The following DLG2 variants were observed in gnomAD, a reference collection of about 807,000 sequenced individuals.
The protein encoded by DLG2 is discs large MAGUK scaffold protein 2, also known as disks large homolog 2.
Under a neutral mutation model 132.5 loss-of-function variants are expected in DLG2, and 45 were observed. That is an observed-to-expected ratio of 0.34 (90% CI 0.27 to 0.44). The LOEUF (loss-of-function observed/expected upper bound fraction) is 0.44. DLG2 is among the 20% of genes least tolerant of loss of function. The pLI is 1.00. For synonymous variants in DLG2, 424 were observed against 419.6 expected (o/e 1.01, Z -0.13); for missense variants, 1,045 against 1,196.9 (o/e 0.87, Z 1.87).
At chr11:85,463,087 A>G (rs1396898694) in intron 3 of DLG2, among the ~76,000 whole-genome samples, 1 of 152,220 alleles carries the variant, frequency 6.6e-6, no homozygotes, top group Non-Finnish European at 1.5e-5. Context: ...TCCAGAACTG[A>G]GAGAAAATAA....
At chr11:84,319,877 T>C (rs1291942801) in intron 7 of DLG2, among the ~76,000 whole-genome samples, 2 of 152,204 alleles carry the variant, frequency 1.3e-5, no homozygotes, top group African/African-American at 2.4e-5. Context: ...GTTTAGTACA[T>C]GTAAAGTAAT....
At chr11:84,200,833 TAAG>T (rs1268813515) in intron 8 of DLG2, among the ~76,000 whole-genome samples, 1 of 152,202 alleles carries the variant, frequency 6.6e-6, no homozygotes, top group Non-Finnish European at 1.5e-5. Flanking sequence ...CTTATCAGCT[TAAG>T]AAGCTTTAAG....
At chr11:85,121,441 A>G (rs1023691743) in intron 5 of DLG2, among the ~76,000 whole-genome samples, 2 of 151,710 alleles carry the variant, frequency 1.3e-5, no homozygotes, top group Non-Finnish European at 2.9e-5. Flanking sequence ...AAAAAATACC[A>G]TGCTATATTA....
At chr11:85,301,113 C>A (rs1467073751) in intron 3 of DLG2, among the ~76,000 whole-genome samples, 2 of 151,918 alleles carry the variant, frequency 1.3e-5, no homozygotes, top group African/African-American at 4.8e-5. Context: ...AGGTAGGAGA[C>A]TTGCTTGAAC....
intron 6 of DLG2, among the ~76,000 whole-genome samples, chr11:85,097,285 TA>T (rs766055235): frequency 1.2e-4 from 18 of 152,134 alleles, no homozygotes; most frequent in Admixed American, 2.0e-4. Context: ...CAGAAAGACA[TA>T]ATTTTTGCCC....
intron 18 of DLG2, among the ~76,000 whole-genome samples, chr11:83,695,584 C>T (rs975466470): frequency 2.0e-5 from 3 of 151,954 alleles, no homozygotes; most frequent in Non-Finnish European, 4.4e-5. Context: ...ACTAAAAATA[C>T]CAAAATTAGC....
In DLG2 at chr11:85,375,672, G is replaced by A. The variant is rs1418209085; in HGVS notation, c.41-90307C>T. Among the ~76,000 whole-genome samples the A allele has an allele frequency of 2.6e-5, 4 of 152,118 alleles. No individual in the cohort carries two copies. The East Asian group carries it at 7.7e-4, about 29-fold the overall frequency. Reference sequence around the variant, plus strand: ...ACCCACACAGGTATTTCCTGCTTATGCTACTAGTCTAAAAGTCACTGATCT... The same window carrying A: ...ACCCACACAGGTATTTCCTGCTTATACTACTAGTCTAAAAGTCACTGATCT... On this transcript the variant is annotated intron_variant, in intron 3 of 27. Coordinates refer to ENST00000376104, the MANE Select transcript of DLG2 (RefSeq NM_001142699.3).
chr11:85,338,892 G>A (rs1488738839), intron 3 of DLG2, among the ~76,000 whole-genome samples: 3 of 151,916 alleles, frequency 2.0e-5, no homozygotes, highest in Non-Finnish European at 4.4e-5. Flanking sequence ...TTTTAGTAGA[G>A]ACGGGGTTTC....
In DLG2 at chr11:83,457,311, C is replaced by A. The variant is rs1028745296; in HGVS notation, c.*2507G>T. 6.6e-6 allele frequency: 1 copy of A among 152,536 alleles called. No individual in the cohort carries two copies. The highest frequency in any genetic ancestry group is 2.4e-5 in the African/African-American group (1 of 41,404). 9.4% of individuals were successfully genotyped at this position (152,536 alleles called of 1,614,324 possible). The stretch of plus-strand genomic sequence containing the variant: ...CAGTTCATTGGAGCCATAGAGACAT[C>A]AACATTGGGAAGTGCAAGACAACAC... On this transcript the variant is annotated 3_prime_UTR_variant, in exon 28 of 28. Transcript: ENST00000376104.
chr11:84,528,873 A>C (rs1223880189), intron 7 of DLG2, among the ~76,000 whole-genome samples: 3 of 152,158 alleles, frequency 2.0e-5, no homozygotes, highest in Non-Finnish European at 4.4e-5. Context: ...AATGTATCCT[A>C]TTGCTATAAA....
intron 4 of DLG2, among the ~76,000 whole-genome samples, chr11:85,195,256 C>A (rs958230452): frequency 6.6e-6 from 1 of 152,066 alleles, no homozygotes; most frequent in Admixed American, 6.5e-5. Context: ...TAGTGCACTG[C>A]AGTAAGAGTC....
chr11:85,390,281 G>A (rs1366716948), intron 3 of DLG2, among the ~76,000 whole-genome samples: 1 of 151,844 alleles, frequency 6.6e-6, no homozygotes, highest in African/African-American at 2.4e-5. Flanking sequence ...ATGATAAAAG[G>A]ACTAGTCCAA....
intron 15 of DLG2, among the ~76,000 whole-genome samples, chr11:83,886,792 A>T (rs1286036201): frequency 6.6e-6 from 1 of 152,184 alleles, no homozygotes. Context: ...GGATTAAGAA[A>T]CTCACTCAAA....
At chr11:85,171,945 A>C (rs1022013601) in intron 4 of DLG2, among the ~76,000 whole-genome samples, 1 of 152,176 alleles carries the variant, frequency 6.6e-6, no homozygotes, top group African/African-American at 2.4e-5. Flanking sequence ...TTTCAGACAG[A>C]ACTCTGATCT....
intron 9 of DLG2, among the ~76,000 whole-genome samples, chr11:84,132,843 G>A (rs1255842304): frequency 6.6e-6 from 1 of 151,902 alleles, no homozygotes; most frequent in Non-Finnish European, 1.5e-5. Flanking sequence ...AAAATGAAGT[G>A]GATGAAACAG....
chr11:85,582,389 A>G (rs976053517), intron 3 of DLG2, among the ~76,000 whole-genome samples: 1 of 152,122 alleles, frequency 6.6e-6, no homozygotes, highest in Non-Finnish European at 1.5e-5. Flanking sequence ...AGCATAAAAC[A>G]TAAGAGTGGG....
chr11:84,851,452 C>A (rs771474155), intron 6 of DLG2, among the ~76,000 whole-genome samples: 1 of 152,004 alleles, frequency 6.6e-6, no homozygotes, highest in African/African-American at 2.4e-5. Flanking sequence ...GAATTCCTGC[C>A]CAAATTGGAG....
intron 3 of DLG2, among the ~76,000 whole-genome samples, chr11:85,424,942 T>C (rs569053610): frequency 3.9e-5 from 6 of 152,316 alleles, no homozygotes; most frequent in South Asian, 4.1e-4. Flanking sequence ...ATCTATGGTA[T>C]TCTGTTATAA....
At position 83,930,478 on chromosome 11, in the gene DLG2, G is replaced by A. The variant is rs185568966; in HGVS notation, c.1346C>T (p.Pro449Leu). Residue 449 changes from proline (P) to leucine (L), a missense_variant, in exon 15 of 28, where the codon CCG becomes CTG. Transcript: ENST00000376104. ...MLVDDDYTRP[P>L]EPVYSTVNKL... ...GTTCACAGTGCTGTAAACAGGTTCC[G>A]GAGGCCTGGTGATACAAGAGGAAGA... 1.0e-3 allele frequency: 1,669 copies of A among 1,613,578 alleles called. No individual in the cohort carries two copies. The highest frequency in any genetic ancestry group is 1.3e-3 in the Non-Finnish European group (1,487 of 1,179,656).
Sources: gnomAD v4.1 joint callset for allele counts (sites outside exome capture counted in the v4.1 genomes callset) on GRCh38, gnomAD v4.1.1 for gene constraint, MANE v1.5 for transcripts, NCBI Gene and HGNC (gene_info 2026-07-23, HGNC 2026-07-21) for gene names.